Variants in PARVB observed in about 807,000 individuals in gnomAD.
PARVB encodes the protein beta-parvin.
In PARVB, 46 loss-of-function variants were observed where a neutral mutation model predicts 47.0. That is an observed-to-expected ratio of 0.98 (90% confidence interval 0.77 to 1.25). PARVB has a LOEUF of 1.25. Among genes scored for constraint, PARVB ranks in the 50% most tolerant of loss-of-function variants. PARVB has a pLI of 0.00. For missense variants in PARVB, 473 were observed against 471.6 expected (o/e 1.00, Z -0.03); for synonymous variants, 196 against 196.3 (o/e 1.00, Z 0.01).
upstream of PARVB, among the ~76,000 whole-genome samples, chr22:44,022,005 T>G (rs1016748617): frequency 2.0e-5 from 3 of 152,018 alleles, no homozygotes; most frequent in Non-Finnish European, 2.9e-5. Context: ...GAAATCCTAA[T>G]CCCCAGTACA....
At chr22:44,009,967 C>A (rs1442978003) in intron 2 of PARVB, among the ~76,000 whole-genome samples, 1 of 151,982 alleles carries the variant, frequency 6.6e-6, no homozygotes, top group Non-Finnish European at 1.5e-5. Flanking sequence ...CCTCCACGCC[C>A]AGCTAATTTT....
intron 1 of PARVB, among the ~76,000 whole-genome samples, chr22:44,091,800 A>T (rs1294642690): frequency 4.6e-5 from 7 of 152,132 alleles, no homozygotes; most frequent in African/African-American, 1.7e-4. Context: ...CCTAACCCCA[A>T]CCTGTACCTA....
chr22:44,024,536 C>G (rs2050696417), intron 1 of PARVB, 85 bp downstream of exon 1: 1 of 561,860 alleles, frequency 1.8e-6, no homozygotes, highest in African/African-American at 2.0e-5. Flanking sequence ...GAGGCCGCCC[C>G]CGCCCTCCCC....
intron 1 of PARVB, among the ~76,000 whole-genome samples, chr22:44,046,259 A>G (rs1341585786): frequency 6.6e-6 from 1 of 152,200 alleles, no homozygotes; most frequent in Non-Finnish European, 1.5e-5. Context: ...TGTGTCACCT[A>G]CTTGCCTAGT....
chr22:44,052,173 C>T (rs983728015), intron 1 of PARVB, among the ~76,000 whole-genome samples: 14 of 152,204 alleles, frequency 9.2e-5, no homozygotes, highest in Admixed American at 9.2e-4. Context: ...TTCTAATTGC[C>T]TCGGCGGTTC....
chr22:44,091,224 G>A (rs1408276008), intron 1 of PARVB, among the ~76,000 whole-genome samples: 1 of 151,428 alleles, frequency 6.6e-6, no homozygotes, highest in Non-Finnish European at 1.5e-5. Context: ...AGTGTGTGCG[G>A]CAGCCAGGCT....
chr22:44,066,782 T>C (rs980489494), intron 1 of PARVB, among the ~76,000 whole-genome samples: 5 of 112,502 alleles, frequency 4.4e-5, no homozygotes, highest in South Asian at 3.5e-4. Flanking sequence ...TAATTATTTC[T>C]CCTCCTCCTC....
intron 9 of PARVB, 53 bp downstream of exon 9, chr22:44,147,975 G>A: frequency 7.0e-7 from 1 of 1,434,994 alleles, no homozygotes; most frequent in Non-Finnish European, 9.8e-7. Context: ...GCGGCTTTTT[G>A]ACAGCACAAA....
intron 6 of PARVB, 81 bp from the exon 7 acceptor site, chr22:44,136,379 C>T (rs17584043): frequency 0.023 from 29,041 of 1,257,732 alleles, 439 homozygotes; most frequent in African/African-American, 0.041. Flanking sequence ...TCTCCGGCCC[C>T]GCAGCTTCGT....
upstream of PARVB, among the ~76,000 whole-genome samples, chr22:44,022,730 C>CT (rs1016792971): frequency 1.2e-4 from 17 of 146,738 alleles, no homozygotes; most frequent in South Asian, 4.3e-4. Context: ...CCTCCTACTT[C>CT]TTTTTTTTTA....
At chr22:44,070,022 C>T (rs531971062) in intron 1 of PARVB, among the ~76,000 whole-genome samples, 149 of 152,256 alleles carry the variant, frequency 9.8e-4, no homozygotes, top group Non-Finnish European at 1.6e-3. Context: ...CCCATCGTGA[C>T]GGTCGGCCAG....
intron 11 of PARVB, among the ~76,000 whole-genome samples, chr22:44,161,796 G>A (rs2054059010): frequency 6.6e-6 from 1 of 152,184 alleles, no homozygotes; most frequent in Non-Finnish European, 1.5e-5. Context: ...CTCCTTAGGG[G>A]AACTGCGTTC....
At chr22:44,095,147 A>G (rs1428975310) in intron 2 of PARVB, among the ~76,000 whole-genome samples, 1 of 151,992 alleles carries the variant, frequency 6.6e-6, no homozygotes, top group Non-Finnish European at 1.5e-5. Flanking sequence ...CATCTCTAGG[A>G]ATTAGCTTGC....
At chr22:44,084,207 A>G (rs2051972229) in intron 1 of PARVB, among the ~76,000 whole-genome samples, 1 of 152,182 alleles carries the variant, frequency 6.6e-6, no homozygotes, top group Non-Finnish European at 1.5e-5. Context: ...CATTAGCTCT[A>G]ACTGGGCCAT....
At chr22:44,122,823 A>G (rs2053100461) in intron 4 of PARVB, among the ~76,000 whole-genome samples, 1 of 152,180 alleles carries the variant, frequency 6.6e-6, no homozygotes, top group Non-Finnish European at 1.5e-5. Flanking sequence ...TTGCATGTGG[A>G]GATCACCTTT....
At chr22:44,130,097 C>T (rs542976573) in intron 4 of PARVB, among the ~76,000 whole-genome samples, 3 of 152,352 alleles carry the variant, frequency 2.0e-5, no homozygotes, top group Admixed American at 2.0e-4. Context: ...GAACTTTGTG[C>T]TGGGAACCAC....
chr22:44,003,646 G>C (rs1454850819), intron 2 of PARVB, among the ~76,000 whole-genome samples: 1 of 152,150 alleles, frequency 6.6e-6, no homozygotes, highest in Non-Finnish European at 1.5e-5. Context: ...TCTGAAAACT[G>C]CTCTTCCAGG....
intron 1 of PARVB, among the ~76,000 whole-genome samples, chr22:44,042,516 C>T (rs941905945): frequency 3.9e-5 from 6 of 152,194 alleles, no homozygotes; most frequent in East Asian, 1.9e-4. Context: ...AGAGATGGGA[C>T]GAGAAGACAC....
chr22:44,026,592 A>G (rs1352968499), intron 1 of PARVB, among the ~76,000 whole-genome samples: 1 of 152,200 alleles, frequency 6.6e-6, no homozygotes, highest in East Asian at 1.9e-4. Flanking sequence ...CCGCAAGCCC[A>G]TTTGCCTTGG....
Sources: gnomAD v4.1 joint callset for allele counts (sites outside exome capture counted in the v4.1 genomes callset) on GRCh38, gnomAD v4.1.1 for gene constraint, MANE v1.5 for transcripts, NCBI Gene and HGNC (gene_info 2026-07-23, HGNC 2026-07-21) for gene names.